FRMPD4: variants seen among roughly 807,000 people sequenced by gnomAD.
FRMPD4 encodes FERM and PDZ domain containing 4, also known as FERM and PDZ domain-containing protein 4.
FRMPD4 carries 22 observed loss-of-function variants against 94.1 expected under a neutral mutation model. The ratio of observed to expected loss-of-function variants is 0.23; its 90% CI spans 0.17 to 0.33. The LOEUF (loss-of-function observed/expected upper bound fraction) is 0.33. FRMPD4 is among the 10% of genes least tolerant of loss of function. The pLI, the probability that FRMPD4 is intolerant of heterozygous loss-of-function variation, is 1.00. For missense variants in FRMPD4, 1,111 were observed against 1,339.9 expected (o/e 0.83, Z 2.67); for synonymous variants, 631 against 548.6 (o/e 1.15, Z -2.10).
intron 3 of FRMPD4, among the ~76,000 whole-genome samples, chrX:11,971,696 C>T (rs1020905512): frequency 1.8e-5 from 2 of 112,110 alleles, no homozygotes; most frequent in African/African-American, 6.5e-5. Context: ...GGATTGGAGT[C>T]ACCCCAGCTC....
At chrX:12,343,360 C>T (rs2055646837) in intron 1 of FRMPD4, among the ~76,000 whole-genome samples, 1 of 111,712 alleles carries the variant, frequency 9.0e-6, no homozygotes, top group Non-Finnish European at 1.9e-5. Flanking sequence ...TCTATTTTGG[C>T]CCTGCTGATT....
At chrX:11,852,823 C>G (rs5979480) in intron 1 of FRMPD4, among the ~76,000 whole-genome samples, 3,883 of 111,239 alleles carry the variant, frequency 0.035, 102 homozygotes, top group African/African-American at 0.089. Context: ...ACTTTAACAC[C>G]CCACTGAGAA....
intron 1 of FRMPD4, among the ~76,000 whole-genome samples, chrX:12,238,817 G>A (rs916503955): frequency 1.2e-4 from 13 of 112,055 alleles, no homozygotes; most frequent in Non-Finnish European, 1.9e-4. Context: ...TTTTTACACA[G>A]TTCTACTTTC....
At chrX:12,256,120 T>C (rs148187669) in intron 1 of FRMPD4, among the ~76,000 whole-genome samples, 3,353 of 111,714 alleles carry the variant, frequency 0.03, 139 homozygotes, top group African/African-American at 0.1. Context: ...CCATATAGGG[T>C]AGAATATAGG....
At chrX:12,579,918 G>A (rs2058848271) in intron 2 of FRMPD4, among the ~76,000 whole-genome samples, 1 of 112,200 alleles carries the variant, frequency 8.9e-6, no homozygotes, top group Admixed American at 9.5e-5. Flanking sequence ...TCCATTAGAA[G>A]GAAAGCTATT....
chrX:11,898,523 CA>C (rs1274506138), intron 3 of FRMPD4, among the ~76,000 whole-genome samples: 3 of 111,678 alleles, frequency 2.7e-5, no homozygotes, highest in Non-Finnish European at 5.6e-5. Context: ...GCTGCTCCAT[CA>C]ATAATCCAGG....
intron 2 of FRMPD4, among the ~76,000 whole-genome samples, chrX:12,532,723 A>G (rs1315505280): frequency 9.0e-6 from 1 of 111,166 alleles, no homozygotes; most frequent in Non-Finnish European, 1.9e-5. Flanking sequence ...GCCCCACAGG[A>G]CACACCTAAC....
intron 3 of FRMPD4, among the ~76,000 whole-genome samples, chrX:12,127,365 T>A (rs1004690718): frequency 9.0e-6 from 1 of 111,670 alleles, no homozygotes; most frequent in African/African-American, 3.3e-5. Context: ...AAACACATCC[T>A]TCTTCACAAG....
chrX:12,320,683 G>A (rs1048985788), intron 1 of FRMPD4, among the ~76,000 whole-genome samples: 1 of 111,524 alleles, frequency 9.0e-6, no homozygotes, highest in Non-Finnish European at 1.9e-5. Flanking sequence ...AGGGGCAGGT[G>A]ATAATCAGCA....
At chrX:12,591,651 T>G (rs2148394468) in intron 2 of FRMPD4, among the ~76,000 whole-genome samples, 1 of 112,315 alleles carries the variant, frequency 8.9e-6, no homozygotes, top group Admixed American at 9.4e-5. Flanking sequence ...CCAGATGAGC[T>G]GCAAAGTCTA....
At chrX:12,208,589 GAT>G (rs2056720290) in intron 1 of FRMPD4, among the ~76,000 whole-genome samples, 1 of 111,801 alleles carries the variant, frequency 8.9e-6, no homozygotes, top group East Asian at 2.8e-4. Flanking sequence ...TTGCATAGCT[GAT>G]TGTTAATTAC....
intron 1 of FRMPD4, chrX:12,494,987 G>T: frequency 1.4e-6 from 1 of 699,846 alleles, no homozygotes; most frequent in African/African-American, 2.3e-5. Flanking sequence ...CAGGACATCA[G>T]AATTGCAAGA....
At chrX:12,627,237 T>C (rs1249723113) in intron 4 of FRMPD4, among the ~76,000 whole-genome samples, 4 of 111,896 alleles carry the variant, frequency 3.6e-5, no homozygotes, top group African/African-American at 1.3e-4. Context: ...GATCACGCCA[T>C]TGCACTCCAG....
intron 3 of FRMPD4, among the ~76,000 whole-genome samples, chrX:11,955,603 G>A (rs967150966): frequency 1.8e-5 from 2 of 110,104 alleles, no homozygotes; most frequent in Admixed American, 9.7e-5. Flanking sequence ...TTAGCTGGGC[G>A]TGGTGGCAGG....
intron 1 of FRMPD4, among the ~76,000 whole-genome samples, chrX:12,234,708 A>T (rs766729743): frequency 3.6e-5 from 4 of 112,348 alleles, no homozygotes; most frequent in Non-Finnish European, 7.5e-5. Context: ...TATATTCTAT[A>T]TAACACTTTT....
intron 2 of FRMPD4, among the ~76,000 whole-genome samples, chrX:12,604,833 A>G (rs1023693848): frequency 2.7e-5 from 3 of 111,101 alleles, no homozygotes; most frequent in African/African-American, 9.8e-5. Flanking sequence ...ACCCTCAAGT[A>G]GGCCCCCGTG....
chrX:12,270,939 G>A (rs1029789485), intron 1 of FRMPD4, among the ~76,000 whole-genome samples: 1 of 111,806 alleles, frequency 8.9e-6, no homozygotes, highest in Non-Finnish European at 1.9e-5. Flanking sequence ...GGAACTTTCT[G>A]TATTATTTTT....
chrX:12,479,417 T>TATATACACATATATATACAC (rs2057648115), intron 1 of FRMPD4, among the ~76,000 whole-genome samples: 2 of 60,399 alleles, frequency 3.3e-5, no homozygotes, highest in Non-Finnish European at 7.4e-5. Flanking sequence ...TATATATACA[T>TATATACACATATATATACAC]ATATACGTAT....
At chrX:11,860,067 T>C (rs1324648739) in intron 1 of FRMPD4, among the ~76,000 whole-genome samples, 1 of 112,362 alleles carries the variant, frequency 8.9e-6, no homozygotes, top group Non-Finnish European at 1.9e-5. Context: ...ATGAGTCAAA[T>C]TACCAATTAA....
Sources: allele counts gnomAD v4.1 joint callset (sites outside exome capture counted in the v4.1 genomes callset), GRCh38; gene constraint gnomAD v4.1.1; transcripts MANE v1.5; gene names NCBI Gene and HGNC (gene_info 2026-07-23, HGNC 2026-07-21).